Variants in TLE1 observed in about 807,000 individuals in gnomAD.
The protein encoded by TLE1 is TLE family member 1, transcriptional corepressor, also known as transducin-like enhancer protein 1.
A neutral mutation model predicts 89.8 loss-of-function variants in TLE1; 21 were observed. The observed-to-expected ratio is 0.23, with a 90% CI of 0.17 to 0.34. TLE1 has a LOEUF of 0.34. TLE1 is among the 10% of genes least tolerant of loss of function. The probability of loss-of-function intolerance (pLI) is 1.00; values close to 1 mark genes in which losing one functional copy is unlikely to be tolerated. For synonymous variants in TLE1, 447 were observed against 407.6 expected (o/e 1.10, Z -1.16); for missense variants, 795 against 1,031.2 (o/e 0.77, Z 3.14).
intron 6 of TLE1, among the ~76,000 whole-genome samples, chr9:81,634,652 G>A (rs904918371): frequency 6.6e-6 from 1 of 152,106 alleles, no homozygotes; most frequent in Admixed American, 6.5e-5. Context: ...AAGTAAACAT[G>A]AGCTAGTTCT....
At position 81,584,537 on chromosome 9, in the gene TLE1, A is replaced by T. The variant is rs770590564; in HGVS notation, c.2129-13T>A. The T allele has an allele frequency of 1.2e-6, 2 of 1,613,312 alleles. No homozygotes were observed. Among genetic ancestry groups the T allele is most frequent in the Non-Finnish European group, 8.5e-7 (1 of 1,179,536 alleles). On this transcript the variant is annotated splice_polypyrimidine_tract_variant and intron_variant, in intron 18 of 19. Transcript: ENST00000376499. ...ACAAACCATTTACCTAGAATTAGCA[A>T]AGGAATATCTAGTTTTCACAAGGTT...
At position 81,625,447 on chromosome 9, in the gene TLE1, C is replaced by T. The variant is rs1825782035; in HGVS notation, c.595-4890G>A. ...ACTCTGGGAACCATGTTTTATTAAA[C>T]ACACAGCAGGATCTTTCCCTGTGGT... On this transcript the variant is annotated intron_variant, in intron 8 of 19. Coordinates refer to ENST00000376499, the MANE Select transcript of TLE1 (RefSeq NM_005077.5). Among the ~76,000 whole-genome samples, 3 of 152,176 alleles carry T rather than the reference C, an allele frequency of 2.0e-5. No homozygotes were observed. In the South Asian group the frequency reaches 6.2e-4, roughly 32 times the overall value.
rs1444331731 is a variant in TLE1, at chr9:81,689,102, G to A, written c.-862C>T. 6.6e-6 allele frequency: 1 copy of A among 152,306 alleles called. No homozygotes were observed. The highest frequency in any genetic ancestry group is 2.4e-5 in the African/African-American group (1 of 41,462). The allele number at this position is 152,306 out of a possible 1,614,324, so 9.4% of individuals were successfully genotyped here. ...CGGGCGCACTCGCCCTGCACGGCCG[G>A]ACCGGCCGCTCCGGACCCTTCTTCC... On this transcript the variant is annotated 5_prime_UTR_variant, in exon 1 of 20. Coordinates refer to ENST00000376499, the MANE Select transcript of TLE1 (RefSeq NM_005077.5).
At chr9:81,622,489 G>A (rs1224249450) in intron 8 of TLE1, among the ~76,000 whole-genome samples, 5 of 152,138 alleles carry the variant, frequency 3.3e-5, no homozygotes, top group Non-Finnish European at 2.9e-5. Flanking sequence ...TACTGTGAAC[G>A]TAAAAGTAAA....
chr9:81,593,363 A>T, intron 14 of TLE1, 89 bp from the exon 15 acceptor site: 4 of 1,432,168 alleles, frequency 2.8e-6, no homozygotes, highest in Non-Finnish European at 3.7e-6. Flanking sequence ...ACTATGAAAA[A>T]GATGAAAAAA....
chr9:81,616,802 A>C (rs1367748183), intron 9 of TLE1, 103 bp from the exon 10 acceptor site: 1 of 1,329,218 alleles, frequency 7.5e-7, no homozygotes, highest in African/African-American at 1.5e-5. Flanking sequence ...AGACTAAAAA[A>C]ACTACCTGGG....
chr9:81,633,377 T>C lies in TLE1; in HGVS notation c.578-13A>G. On this transcript the variant is annotated splice_polypyrimidine_tract_variant and intron_variant, in intron 7 of 19. Coordinates refer to ENST00000376499, the MANE Select transcript of TLE1 (RefSeq NM_005077.5). ...CCCGGCTCTCTGTCTGCTCCCGAGG[T>C]TACCAAGAAACGCACAGACATGCCC... 6.2e-7 allele frequency: 1 copy of C among 1,612,800 alleles called. No individual in the cohort carries two copies. Among genetic ancestry groups the C allele is most frequent in the Non-Finnish European group, 8.5e-7 (1 of 1,179,790 alleles).
rs201465652 is a variant in TLE1, at chr9:81,661,756, T to TC, written c.235-7721dup. Among the ~76,000 whole-genome samples the TC allele has an allele frequency of 1.8e-3, 260 of 140,928 alleles. 1 individual carries two copies. The highest frequency in any genetic ancestry group is 5.5e-3 in the South Asian group (24 of 4,372). 92.5% of individuals were successfully genotyped at this position (140,928 alleles called of 152,430 possible). A position where few individuals can be genotyped will look rare whatever the true frequency, so the allele number is the denominator to read the frequency against. On this transcript the variant is annotated intron_variant, in intron 4 of 19. Transcript: ENST00000376499. ...GAGTCTGTGAAATGACAACCTTAAATCCCCCCCCCAAAAAAAATGTACACA... is the reference window on the plus strand; with the variant it reads ...GAGTCTGTGAAATGACAACCTTAAATCCCCCCCCCCAAAAAAAATGTACACA...
rs772049274 is a variant in TLE1, at chr9:81,584,292, G to A, written c.2219C>T (p.Ser740Leu). 9.7e-5 allele frequency: 156 copies of A among 1,613,962 alleles called. No individual in the cohort carries two copies. Among genetic ancestry groups the A allele is most frequent in the Non-Finnish European group, 1.2e-4 (144 of 1,179,978 alleles). ...AGAGATGTCACAGCTAAGCACTGAC[G>A]AGGACTCTTTGGACTGGAAGAGAAA... ...GASIFQSKES[S>L]SVLSCDISVD... The change falls in exon 20 of 20, where the codon TCG becomes TTG. Residue 740 changes from serine (S) to leucine (L), a missense_variant. Physicochemically the swap from Ser to Leu is moderately radical, Grantham distance 145 (BLOSUM62 -2). Transcript: ENST00000376499.
intron 1 of TLE1, among the ~76,000 whole-genome samples, chr9:81,687,878 A>G (rs1564093390): frequency 6.6e-6 from 1 of 151,908 alleles, no homozygotes. Flanking sequence ...CCGCATTGAC[A>G]TGTAAATAGG....
At chr9:81,587,612 G>T in intron 17 of TLE1, 69 bp downstream of exon 17, 1 of 1,505,918 alleles carries the variant, frequency 6.6e-7, no homozygotes, top group South Asian at 1.3e-5. Context: ...AAGGAGGGAG[G>T]GTTGTGAGGA....
At chr9:81,615,119 A>AAG (rs1563972800) in intron 11 of TLE1, among the ~76,000 whole-genome samples, 2 of 81,318 alleles carry the variant, frequency 2.5e-5, no homozygotes, top group African/African-American at 5.5e-5. Context: ...AAAAAAAAAA[A>AAG]AAGAAGAAGA....
intron 2 of TLE1, among the ~76,000 whole-genome samples, chr9:81,686,394 C>G (rs1044960076): frequency 1.3e-5 from 2 of 152,198 alleles, no homozygotes; most frequent in African/African-American, 2.4e-5. Flanking sequence ...TGTCAAGTAG[C>G]TACTGCAATA....
intron 12 of TLE1, chr9:81,612,453 T>C (rs1043687154): frequency 1.8e-5 from 15 of 814,600 alleles, no homozygotes; most frequent in South Asian, 1.1e-4. Context: ...CTATTTTCCT[T>C]TGGGCCCAGG....
chr9:81,675,698 G>GTTTTTTGTTTTTTTTTTTT (rs1832788754), intron 4 of TLE1, among the ~76,000 whole-genome samples: 1 of 129,664 alleles, frequency 7.7e-6, no homozygotes, highest in African/African-American at 3.3e-5. Context: ...ACTCACACTA[G>GTTTTTTGTTTTTTTTTTTT]TTTTTTTTTG....
intron 15 of TLE1, among the ~76,000 whole-genome samples, chr9:81,591,333 G>T (rs2796468): frequency 0.17 from 26,351 of 152,164 alleles, 2,877 homozygotes; most frequent in Middle Eastern, 0.3. Context: ...ATAGTTCCCT[G>T]AGAAGAAACC....
chr9:81,649,335 C>T (rs1376803360), intron 6 of TLE1, among the ~76,000 whole-genome samples: 2 of 152,246 alleles, frequency 1.3e-5, no homozygotes, highest in East Asian at 3.9e-4. Flanking sequence ...AATACAACCT[C>T]TCTCTGTCTC....
intron 4 of TLE1, 124 bp from the exon 5 acceptor site, chr9:81,654,160 T>G: frequency 1.2e-6 from 1 of 827,698 alleles, no homozygotes; most frequent in Non-Finnish European, 1.9e-6. Flanking sequence ...TAAAATGGTT[T>G]CCCCAGGTTA....
rs369337828 is a variant in TLE1 at position 81,589,691 on chromosome 9, A to G, written c.1829+1114T>C. Among the ~76,000 whole-genome samples the G allele has an allele frequency of 1.3e-5, 2 of 152,186 alleles. 1 individual carries two copies. Among genetic ancestry groups the G allele is most frequent in the Admixed American group, 1.3e-4 (2 of 15,286 alleles). On this transcript the variant is annotated intron_variant, in intron 16 of 19. Coordinates refer to ENST00000376499, the MANE Select transcript of TLE1 (RefSeq NM_005077.5). The stretch of plus-strand genomic sequence containing the variant: ...CAAATAGCAGGACAGACGTTATGAG[A>G]ACTAAGTGGAGGAATATTTGAAAAG...
Sources: allele counts gnomAD v4.1 joint callset (sites outside exome capture counted in the v4.1 genomes callset), GRCh38; gene constraint gnomAD v4.1.1; transcripts MANE v1.5; gene names NCBI Gene and HGNC (gene_info 2026-07-23, HGNC 2026-07-21).